Variants in VDAC1 observed in about 807,000 individuals in gnomAD.
The protein encoded by VDAC1 is non-selective voltage-gated ion channel VDAC1.
Under a neutral mutation model 34.7 loss-of-function variants are expected in VDAC1, and 10 were observed. That is an observed-to-expected ratio of 0.29 (90% CI 0.18 to 0.49). The LOEUF is 0.49. VDAC1 is among the 20% of genes least tolerant of loss of function. The pLI is 0.99. For missense variants in VDAC1, 230 were observed against 347.9 expected, an observed-to-expected ratio of 0.66 and a Z score of 2.69; for synonymous variants, 130 against 136.0, an observed-to-expected ratio of 0.96 and a Z score of 0.30.
the VDAC1 span, among the ~76,000 whole-genome samples, chr5:134,031,931 A>G: frequency 1.4e-5 from 2 of 147,254 alleles, no homozygotes; most frequent in East Asian, 4.0e-4. Flanking sequence ...AGCCTCGGTG[A>G]CAGAGCGAGA....
At chr5:134,077,481 G>C in the VDAC1 span, among the ~76,000 whole-genome samples, 1 of 152,190 alleles carries the variant, frequency 6.6e-6, no homozygotes, top group Non-Finnish European at 1.5e-5. Context: ...CCTCAGGAGA[G>C]AGGGATCTAT....
chr5:133,980,071 ACT>A (rs771291331), intron 6 of VDAC1, among the ~76,000 whole-genome samples: 3 of 152,206 alleles, frequency 2.0e-5, no homozygotes, highest in African/African-American at 7.2e-5. Flanking sequence ...AAACATGGTA[ACT>A]CTGCACCCAG....
At chr5:134,052,616 T>C in the VDAC1 span, among the ~76,000 whole-genome samples, 7 of 152,200 alleles carry the variant, frequency 4.6e-5, no homozygotes, top group African/African-American at 1.7e-4. Context: ...CATGCTTTTC[T>C]CTTGTTAAGC....
At chr5:134,075,776 G>A in the VDAC1 span, among the ~76,000 whole-genome samples, 6 of 151,598 alleles carry the variant, frequency 4.0e-5, no homozygotes, top group Admixed American at 1.3e-4. Flanking sequence ...TAGTAGAGAC[G>A]GGGTTTCACC....
At chr5:134,056,177 G>T in the VDAC1 span, among the ~76,000 whole-genome samples, 1 of 148,206 alleles carries the variant, frequency 6.7e-6, no homozygotes, top group Non-Finnish European at 1.5e-5. Context: ...GGAGGCAGAG[G>T]TTGCAGTGAG....
chr5:134,112,431 G>A, the VDAC1 span, among the ~76,000 whole-genome samples: 1 of 152,138 alleles, frequency 6.6e-6, no homozygotes, highest in African/African-American at 2.4e-5. Flanking sequence ...TTTCAGTGTG[G>A]CTGTGGATGC....
intron 5 of VDAC1, among the ~76,000 whole-genome samples, chr5:133,983,442 A>C (rs1752777269): frequency 6.6e-6 from 1 of 152,202 alleles, no homozygotes; most frequent in Admixed American, 6.6e-5. Flanking sequence ...CTGTATAAAT[A>C]AAACATGATT....
At chr5:134,033,914 C>A in the VDAC1 span, among the ~76,000 whole-genome samples, 1 of 151,960 alleles carries the variant, frequency 6.6e-6, no homozygotes, top group Non-Finnish European at 1.5e-5. Flanking sequence ...ACGGCATGAA[C>A]CCGGGAGGCG....
chr5:134,079,325 C>T, the VDAC1 span, among the ~76,000 whole-genome samples: 2 of 152,126 alleles, frequency 1.3e-5, no homozygotes, highest in African/African-American at 2.4e-5. Context: ...GTGGCCCATA[C>T]GTGGAATGGG....
the VDAC1 span, among the ~76,000 whole-genome samples, chr5:134,017,097 T>C: frequency 5.9e-5 from 9 of 152,238 alleles, no homozygotes; most frequent in African/African-American, 1.9e-4. Context: ...CCACAAAATC[T>C]AACACAGATT....
At chr5:134,107,518 G>A in the VDAC1 span, among the ~76,000 whole-genome samples, 1 of 152,234 alleles carries the variant, frequency 6.6e-6, no homozygotes, top group Non-Finnish European at 1.5e-5. Flanking sequence ...TTGGCAAGAG[G>A]AGTCACCACT....
At chr5:133,988,111 G>A (rs949847505) in intron 5 of VDAC1, among the ~76,000 whole-genome samples, 10 of 152,238 alleles carry the variant, frequency 6.6e-5, no homozygotes, top group Middle Eastern at 3.4e-3. Flanking sequence ...GAAAAAAGAC[G>A]TCATTGTGAC....
chr5:133,992,243 A>T, intron 3 of VDAC1, 63 bp downstream of exon 3: 1 of 1,220,504 alleles, frequency 8.2e-7, no homozygotes, highest in Middle Eastern at 3.0e-4. Context: ...TCTCAAAAAT[A>T]AATAAATAAA....
intron 1 of VDAC1, among the ~76,000 whole-genome samples, chr5:134,004,016 G>A (rs775627421): frequency 8.5e-5 from 13 of 152,388 alleles, no homozygotes; most frequent in Admixed American, 2.6e-4. Context: ...CAAACCTTCA[G>A]CCCAGGCCCG....
the VDAC1 span, among the ~76,000 whole-genome samples, chr5:134,032,062 G>T: frequency 2.8e-5 from 4 of 142,202 alleles, no homozygotes; most frequent in African/African-American, 5.3e-5. Flanking sequence ...GGTGGAGGTT[G>T]CAGTGAGCCA....
At chr5:134,041,264 G>A in the VDAC1 span, among the ~76,000 whole-genome samples, 19 of 152,288 alleles carry the variant, frequency 1.2e-4, no homozygotes, top group Admixed American at 6.5e-5. Flanking sequence ...TTTCTTTGGG[G>A]GATGTCAGAA....
chr5:133,985,260 G>A (rs1752863523), intron 5 of VDAC1, among the ~76,000 whole-genome samples: 1 of 152,190 alleles, frequency 6.6e-6, no homozygotes, highest in South Asian at 2.1e-4. Context: ...CAGAACAAGT[G>A]ACAATGAAAC....
the VDAC1 span, among the ~76,000 whole-genome samples, chr5:134,039,737 T>A: frequency 1.3e-5 from 2 of 152,324 alleles, no homozygotes; most frequent in East Asian, 3.9e-4. Context: ...CGCCAGAAGC[T>A]GACCAAAGAA....
chr5:134,090,389 C>A, the VDAC1 span, among the ~76,000 whole-genome samples: 1 of 152,320 alleles, frequency 6.6e-6, no homozygotes, highest in East Asian at 1.9e-4. Flanking sequence ...GCCCCAAATC[C>A]CCAGATGGGA....
Sources: allele counts gnomAD v4.1 joint callset (sites outside exome capture counted in the v4.1 genomes callset), GRCh38; gene constraint gnomAD v4.1.1; transcripts MANE v1.5; gene names NCBI Gene and HGNC (gene_info 2026-07-23, HGNC 2026-07-21).